Variants in TMC1 observed in about 807,000 individuals in gnomAD.
TMC1 encodes transmembrane channel-like protein 1.
In TMC1, 84 loss-of-function variants were observed where a neutral mutation model predicts 105.8. The observed-to-expected ratio is 0.79, with a 90% CI of 0.67 to 0.95. The LOEUF (loss-of-function observed/expected upper bound fraction) is 0.95, where lower values mean the gene tolerates loss of function less well. TMC1 is among the 40% of genes least tolerant of loss of function. The probability of loss-of-function intolerance (pLI) is 0.00; values close to 1 mark genes in which losing one functional copy is unlikely to be tolerated. For synonymous variants in TMC1, 315 were observed against 311.5 expected, an observed-to-expected ratio of 1.01 and a Z score of -0.12; for missense variants, 817 against 914.1, an observed-to-expected ratio of 0.89 and a Z score of 1.37.
At chr9:72,768,529 A>G (rs1827874068) in intron 12 of TMC1, among the ~76,000 whole-genome samples, 2 of 152,234 alleles carry the variant, frequency 1.3e-5, no homozygotes, top group African/African-American at 4.8e-5. Flanking sequence ...ACATTCATTT[A>G]TAGATTTGAC....
At position 72,821,082 on chromosome 9, in the gene TMC1, G is replaced by T; in HGVS notation, c.2003+1G>T. The T allele has an allele frequency of 6.2e-7, 1 of 1,614,108 alleles. No individual in the cohort carries two copies. Among genetic ancestry groups the T allele is most frequent in the Non-Finnish European group, 8.5e-7 (1 of 1,180,026 alleles). ...CATCTTTTGATTGTGGTCCATTCAG[G>T]TCTCTTGCTTTTGAAATTTGACTCA... On this transcript the variant is annotated splice_donor_variant, in intron 20 of 23. Transcript: ENST00000297784. LOFTEE classifies it high-confidence loss of function.
At chr9:72,638,575 A>G (rs1825573251) in intron 4 of TMC1, among the ~76,000 whole-genome samples, 1 of 152,204 alleles carries the variant, frequency 6.6e-6, no homozygotes, top group Admixed American at 6.5e-5. Flanking sequence ...GGAGCTGGAA[A>G]GAGTCAGTAA....
chr9:72,568,472 A>G (rs1159037216), intron 1 of TMC1, among the ~76,000 whole-genome samples: 1 of 152,198 alleles, frequency 6.6e-6, no homozygotes, highest in East Asian at 1.9e-4. Context: ...ACATTTATTC[A>G]ACAACTCTTT....
At chr9:72,565,978 A>T (rs1824145467) in intron 1 of TMC1, among the ~76,000 whole-genome samples, 1 of 152,152 alleles carries the variant, frequency 6.6e-6, no homozygotes, top group Admixed American at 6.6e-5. Context: ...GCCTGTGTGT[A>T]TGCATGTGCA....
At chr9:72,621,592 T>C (rs1825250297) in intron 3 of TMC1, among the ~76,000 whole-genome samples, 1 of 152,210 alleles carries the variant, frequency 6.6e-6, no homozygotes, top group Non-Finnish European at 1.5e-5. Flanking sequence ...AGAGCCACTT[T>C]AATAAGCAAA....
At chr9:72,789,388 A>C (rs1423327544) in intron 15 of TMC1, 71 bp downstream of exon 15, 1 of 1,509,130 alleles carries the variant, frequency 6.6e-7, no homozygotes, top group African/African-American at 1.4e-5. Flanking sequence ...TGTTTCTTTG[A>C]TGGAACATTT....
chr9:72,590,152 G>C (rs1269999417), intron 2 of TMC1, among the ~76,000 whole-genome samples: 2 of 152,046 alleles, frequency 1.3e-5, no homozygotes, highest in Non-Finnish European at 2.9e-5. Context: ...AATCCAATGG[G>C]GAGAAGCTTG....
intron 10 of TMC1, among the ~76,000 whole-genome samples, chr9:72,746,239 A>G (rs1827488219): frequency 6.6e-6 from 1 of 152,186 alleles, no homozygotes; most frequent in Admixed American, 6.5e-5. Flanking sequence ...ATCATCTAAT[A>G]TATATCTTAT....
intron 17 of TMC1, among the ~76,000 whole-genome samples, chr9:72,797,357 G>GA (rs1201116159): frequency 2.0e-5 from 3 of 151,924 alleles, no homozygotes; most frequent in Admixed American, 1.3e-4. Flanking sequence ...CACAGAATTA[G>GA]AAAAAAACTA....
chr9:72,680,982 T>C (rs1488545417), intron 5 of TMC1, among the ~76,000 whole-genome samples: 2 of 152,236 alleles, frequency 1.3e-5, no homozygotes, highest in East Asian at 1.9e-4. Flanking sequence ...TCTTCTTGAG[T>C]TAGAATATTG....
At chr9:72,821,695 G>C (rs1828875867) in intron 20 of TMC1, among the ~76,000 whole-genome samples, 1 of 152,188 alleles carries the variant, frequency 6.6e-6, no homozygotes, top group Admixed American at 6.5e-5. Flanking sequence ...TTAGAGGATA[G>C]CTAAGAGCAA....
chr9:72,789,252 G>C lies in TMC1; in HGVS notation c.1159G>C (p.Val387Leu). 6.2e-7 allele frequency: 1 copy of C among 1,614,092 alleles called. No individual in the cohort carries two copies. The highest frequency in any genetic ancestry group is 8.5e-7 in the Non-Finnish European group (1 of 1,179,946). Reference sequence around the variant, plus strand: ...GAGTGGATACCTCATCTTTTGGGCTGTGAAGCGATCCCAGGAATTTGCACA... The same window carrying C: ...GAGTGGATACCTCATCTTTTGGGCTCTGAAGCGATCCCAGGAATTTGCACA... ...GGSGYLIFWA[V>L]KRSQEFAQQD... The change falls in exon 15 of 24, where the codon GTG becomes CTG. Residue 387 changes from valine (V) to leucine (L), a missense_variant. Coordinates refer to ENST00000297784, the MANE Select transcript of TMC1 (RefSeq NM_138691.3).
intron 5 of TMC1, among the ~76,000 whole-genome samples, chr9:72,671,128 T>C (rs1448702643): frequency 6.6e-6 from 1 of 152,152 alleles, no homozygotes; most frequent in African/African-American, 2.4e-5. Flanking sequence ...ATTTTTATAG[T>C]AGGTTTGATG....
chr9:72,799,153 C>T (rs34451296), intron 17 of TMC1, among the ~76,000 whole-genome samples: 27,031 of 151,880 alleles, frequency 0.18, 2,621 homozygotes, highest in African/African-American at 0.23. Context: ...TTTATGATTT[C>T]ATTTAGTTAG....
At chr9:72,774,621 A>T (rs913473003) in intron 13 of TMC1, among the ~76,000 whole-genome samples, 1 of 152,066 alleles carries the variant, frequency 6.6e-6, no homozygotes, top group Non-Finnish European at 1.5e-5. Context: ...CATTCATGTT[A>T]TATCATCCAA....
intron 18 of TMC1, among the ~76,000 whole-genome samples, chr9:72,810,984 C>T (rs1828693872): frequency 6.6e-6 from 1 of 152,108 alleles, no homozygotes; most frequent in Non-Finnish European, 1.5e-5. Context: ...ACAACAGCCT[C>T]TGTAGAGACT....
At chr9:72,670,265 AT>A (rs1424773683) in intron 5 of TMC1, among the ~76,000 whole-genome samples, 1 of 152,298 alleles carries the variant, frequency 6.6e-6, no homozygotes, top group East Asian at 1.9e-4. Flanking sequence ...CAGAAAGAGT[AT>A]AAAAACCATG....
intron 1 of TMC1, among the ~76,000 whole-genome samples, chr9:72,549,656 G>A (rs1187730370): frequency 1.3e-5 from 2 of 149,050 alleles, no homozygotes. Context: ...TGTTGCCCGA[G>A]CTGGATTGCA....
intron 10 of TMC1, among the ~76,000 whole-genome samples, 163 bp downstream of exon 10, chr9:72,742,688 G>C (rs1040997677): frequency 6.6e-6 from 1 of 152,108 alleles, no homozygotes; most frequent in Non-Finnish European, 1.5e-5. Flanking sequence ...GCCTGCTTTC[G>C]TCACTGTGAA....
Sources: gnomAD v4.1 joint callset for allele counts (sites outside exome capture counted in the v4.1 genomes callset) on GRCh38, gnomAD v4.1.1 for gene constraint, MANE v1.5 for transcripts, NCBI Gene and HGNC (gene_info 2026-07-23, HGNC 2026-07-21) for gene names.